The following CPEB3 variants were observed in gnomAD, a reference collection of about 807,000 sequenced individuals.
CPEB3 encodes the protein cytoplasmic polyadenylation element binding protein 3.
CPEB3 carries 20 observed loss-of-function variants against 67.2 expected under a neutral mutation model. The ratio of observed to expected loss-of-function variants is 0.30; its 90% confidence interval spans 0.21 to 0.43. CPEB3 has a LOEUF of 0.43. Ranked by LOEUF, CPEB3 falls within the 20% of genes least tolerant of loss-of-function variation. The probability of loss-of-function intolerance (pLI) is 1.00; values close to 1 mark genes in which losing one functional copy is unlikely to be tolerated. For synonymous variants in CPEB3, 376 were observed against 393.1 expected, an observed-to-expected ratio of 0.96 and a Z score of 0.51; for missense variants, 746 against 968.6, an observed-to-expected ratio of 0.77 and a Z score of 3.05.
At chr10:92,142,213 G>A (rs544420648) in intron 6 of CPEB3, among the ~76,000 whole-genome samples, 14 of 152,202 alleles carry the variant, frequency 9.2e-5, no homozygotes, top group South Asian at 2.1e-4. Context: ...TCATTTATGA[G>A]GCACAGGAAG....
At chr10:92,219,741 T>C (rs1271181142) in intron 2 of CPEB3, among the ~76,000 whole-genome samples, 1 of 152,226 alleles carries the variant, frequency 6.6e-6, no homozygotes, top group Non-Finnish European at 1.5e-5. Flanking sequence ...ATGAATCATC[T>C]ACACTGGCAA....
intron 4 of CPEB3, among the ~76,000 whole-genome samples, chr10:92,155,553 C>T (rs944891500): frequency 6.6e-5 from 10 of 152,204 alleles, no homozygotes; most frequent in African/African-American, 2.4e-4. Context: ...AGGAAGATGA[C>T]TTCTTTTTCA....
intron 4 of CPEB3, among the ~76,000 whole-genome samples, chr10:92,160,196 C>T (rs551937770): frequency 6.6e-6 from 1 of 152,092 alleles, no homozygotes; most frequent in Admixed American, 6.5e-5. Flanking sequence ...ATCCCCACCT[C>T]GGCCTCCCAA....
intron 1 of CPEB3, among the ~76,000 whole-genome samples, chr10:92,252,502 A>C (rs1394451538): frequency 6.6e-6 from 1 of 152,260 alleles, no homozygotes; most frequent in Non-Finnish European, 1.5e-5. Flanking sequence ...AGCATTATTC[A>C]TAATAGCCAA....
chr10:92,225,434 G>T (rs1172778933), intron 2 of CPEB3, among the ~76,000 whole-genome samples: 1 of 152,124 alleles, frequency 6.6e-6, no homozygotes, highest in Non-Finnish European at 1.5e-5. Flanking sequence ...CTACTTGAAA[G>T]GCTGAGGTGG....
intron 3 of CPEB3, among the ~76,000 whole-genome samples, chr10:92,181,997 GA>G (rs536475110): frequency 0.018 from 2,547 of 143,438 alleles, 61 homozygotes; most frequent in African/African-American, 0.056. Flanking sequence ...AGTCTTATAT[GA>G]AAAAAAAAAA....
intron 2 of CPEB3, among the ~76,000 whole-genome samples, chr10:92,219,479 T>C (rs1471207849): frequency 6.6e-6 from 1 of 152,196 alleles, no homozygotes; most frequent in Non-Finnish European, 1.5e-5. Context: ...AGGAATAAAT[T>C]CACTATCAAG....
intron 4 of CPEB3, among the ~76,000 whole-genome samples, chr10:92,169,616 G>T (rs2134008910): frequency 6.6e-6 from 1 of 152,282 alleles, no homozygotes; most frequent in South Asian, 2.1e-4. Context: ...CTTCTTGGAT[G>T]TTGGCATTCC....
intron 4 of CPEB3, among the ~76,000 whole-genome samples, chr10:92,153,692 A>T (rs1189646218): frequency 6.6e-6 from 1 of 152,166 alleles, no homozygotes; most frequent in Non-Finnish European, 1.5e-5. Flanking sequence ...GAGGCAGGCG[A>T]ATTGCTTGAA....
intron 9 of CPEB3, among the ~76,000 whole-genome samples, chr10:92,061,419 CAAAAAAA>C (rs148327302): frequency 1.1e-5 from 1 of 93,348 alleles, no homozygotes; most frequent in Admixed American, 1.1e-4. Context: ...AATTCTGTCT[CAAAAAAA>C]AAAAAAAAAA....
intron 8 of CPEB3, among the ~76,000 whole-genome samples, chr10:92,083,431 G>A (rs1843237021): frequency 6.6e-6 from 1 of 152,222 alleles, no homozygotes; most frequent in Non-Finnish European, 1.5e-5. Context: ...AACAGGAATT[G>A]TGTGCATAAC....
rs188384286 is a variant in CPEB3 at position 92,272,543 on chromosome 10, A to G, written c.-12+18383T>C. On this transcript the variant is annotated intron_variant, in intron 1 of 9. Transcript: ENST00000265997. The stretch of plus-strand genomic sequence containing the variant: ...CTCAAGAGTGTGTATTGATATCTTC[A>G]ATTCTAATCCAACATCACAGAGTTC... 2.8e-3 allele frequency among the ~76,000 whole-genome samples: 421 copies of G among 152,224 alleles called. 3 individuals are homozygous for G. Among genetic ancestry groups the G allele is most frequent in the Non-Finnish European group, 4.7e-3 (320 of 68,002 alleles).
At chr10:92,269,312 T>G (rs146820987) in intron 1 of CPEB3, among the ~76,000 whole-genome samples, 25 of 152,274 alleles carry the variant, frequency 1.6e-4, no homozygotes, top group African/African-American at 5.1e-4. Flanking sequence ...AATAGTATTT[T>G]TATTAAAATA....
intron 6 of CPEB3, chr10:92,138,254 A>T: frequency 4.5e-6 from 1 of 222,854 alleles, no homozygotes; most frequent in South Asian, 7.6e-5. Flanking sequence ...TGGTTTGGCC[A>T]TAAGGGTGTG....
At chr10:92,195,046 AACACACACACACACACAC>A (rs371911549) in intron 2 of CPEB3, among the ~76,000 whole-genome samples, 1 of 117,068 alleles carries the variant, frequency 8.5e-6, no homozygotes, top group African/African-American at 2.9e-5. Context: ...TGTCTCAAAA[AACACACACACACACACAC>A]ACACACACAC....
intron 1 of CPEB3, among the ~76,000 whole-genome samples, chr10:92,254,965 C>T (rs1441271031): frequency 6.6e-6 from 1 of 151,908 alleles, no homozygotes; most frequent in Non-Finnish European, 1.5e-5. Flanking sequence ...GCCTTGGCCT[C>T]GCAAAGTGTT....
chr10:92,093,612 C>T (rs1253372094), intron 7 of CPEB3, among the ~76,000 whole-genome samples: 1 of 151,486 alleles, frequency 6.6e-6, no homozygotes, highest in African/African-American at 2.4e-5. Context: ...AGAGAATTCT[C>T]TTGCCTTGGC....
intron 1 of CPEB3, among the ~76,000 whole-genome samples, chr10:92,249,378 A>C (rs1852198674): frequency 3.3e-5 from 1 of 30,698 alleles, no homozygotes; most frequent in African/African-American, 1.3e-4. Flanking sequence ...ACTCCGTCTC[A>C]AAAAAAAAAA....
At chr10:92,073,501 C>T (rs944005280) in intron 9 of CPEB3, among the ~76,000 whole-genome samples, 5 of 152,102 alleles carry the variant, frequency 3.3e-5, no homozygotes, top group Non-Finnish European at 7.4e-5. Flanking sequence ...TTCAGTGGTG[C>T]AGTCATAGCT....
Sources: gnomAD v4.1 joint callset for allele counts (sites outside exome capture counted in the v4.1 genomes callset) on GRCh38, gnomAD v4.1.1 for gene constraint, MANE v1.5 for transcripts, NCBI Gene and HGNC (gene_info 2026-07-23, HGNC 2026-07-21) for gene names.